Variants in GPC5 observed in about 807,000 individuals in gnomAD.
GPC5 encodes glypican 5.
A neutral mutation model predicts 53.9 loss-of-function variants in GPC5; 47 were observed. That is an observed-to-expected ratio of 0.87 (90% CI 0.69 to 1.11). GPC5 has a LOEUF of 1.11. Among genes scored for constraint, GPC5 ranks in the 50% most tolerant of loss-of-function variants. The pLI, the probability that GPC5 is intolerant of heterozygous loss-of-function variation, is 0.00. For synonymous variants in GPC5, 286 were observed against 263.3 expected (o/e 1.09, Z -0.84); for missense variants, 748 against 713.1 (o/e 1.05, Z -0.56).
At chr13:92,622,105 A>G (rs745358516) in intron 7 of GPC5, among the ~76,000 whole-genome samples, 15 of 152,146 alleles carry the variant, frequency 9.9e-5, no homozygotes, top group Non-Finnish European at 2.2e-4. Context: ...CACAGCTTCC[A>G]GCCCTCTGGC....
At chr13:92,772,923 C>A (rs1372454966) in intron 7 of GPC5, among the ~76,000 whole-genome samples, 1 of 151,858 alleles carries the variant, frequency 6.6e-6, no homozygotes, top group Admixed American at 6.6e-5. Context: ...TTATTTTTCC[C>A]TAAGTAAGCA....
rs537676604 is a variant in GPC5, at chr13:91,661,836, G to A, written c.326-31351G>A. Among the ~76,000 whole-genome samples the A allele has an allele frequency of 2.0e-3, 298 of 152,306 alleles. 2 individuals are homozygous for A. Among genetic ancestry groups the A allele is most frequent in the Non-Finnish European group, 2.9e-3 (197 of 68,022 alleles). On this transcript the variant is annotated intron_variant, in intron 2 of 7. Coordinates refer to ENST00000377067, the MANE Select transcript of GPC5 (RefSeq NM_004466.6). Reference sequence around the variant, plus strand: ...TAGGAGAGGAAGTGAGAGAAGCAACGAGGGGTCAGATCATTCAGGGCCCTG... The same window carrying A: ...TAGGAGAGGAAGTGAGAGAAGCAACAAGGGGTCAGATCATTCAGGGCCCTG...
chr13:92,784,636 T>C (rs1431353778), intron 7 of GPC5, among the ~76,000 whole-genome samples: 1 of 152,156 alleles, frequency 6.6e-6, no homozygotes, highest in Non-Finnish European at 1.5e-5. Context: ...ATTTAGCAAA[T>C]GTCAGGTCAT....
intron 7 of GPC5, among the ~76,000 whole-genome samples, chr13:92,609,322 T>C (rs1488526471): frequency 2.0e-5 from 3 of 152,126 alleles, no homozygotes; most frequent in Admixed American, 1.3e-4. Flanking sequence ...GGGGAATACA[T>C]AGGTGATGAC....
intron 7 of GPC5, among the ~76,000 whole-genome samples, chr13:92,168,806 A>G (rs1177443981): frequency 6.6e-6 from 1 of 152,178 alleles, no homozygotes; most frequent in Non-Finnish European, 1.5e-5. Context: ...CAGAAATACC[A>G]TTTGGCCCAG....
In GPC5 at chr13:92,347,914, T is replaced by C. The variant is rs1174180250; in HGVS notation, c.1561+202925T>C. Among the ~76,000 whole-genome samples the C allele has an allele frequency of 7.8e-4, 2 of 2,556 alleles. 1 individual carries two copies. The highest frequency in any genetic ancestry group is 0.015 in the Admixed American group (2 of 132). The allele number at this position is 2,556 out of a possible 152,430, so 1.7% of individuals were successfully genotyped here. ...TATTATATATATAATATATATATAA[T>C]ATATATATATTATATATACATCTTA... is the stretch of plus-strand genomic sequence containing the variant. On this transcript the variant is annotated intron_variant, in intron 7 of 7. Coordinates refer to ENST00000377067, the MANE Select transcript of GPC5 (RefSeq NM_004466.6).
intron 7 of GPC5, among the ~76,000 whole-genome samples, chr13:92,269,550 C>T (rs1297053441): frequency 6.6e-6 from 1 of 152,106 alleles, no homozygotes; most frequent in Non-Finnish European, 1.5e-5. Context: ...GGACTACAGG[C>T]ATCTGCCACC....
intron 6 of GPC5, among the ~76,000 whole-genome samples, chr13:91,989,179 G>A (rs976174298): frequency 2.7e-4 from 41 of 152,036 alleles, no homozygotes; most frequent in Admixed American, 2.5e-3. Context: ...GTTCTTCCAG[G>A]CAGTTTTATA....
At chr13:91,473,110 G>C (rs1882729001) in intron 2 of GPC5, among the ~76,000 whole-genome samples, 1 of 152,112 alleles carries the variant, frequency 6.6e-6, no homozygotes, top group Non-Finnish European at 1.5e-5. Flanking sequence ...AGCATGTGAA[G>C]GAGGAACTGT....
intron 7 of GPC5, among the ~76,000 whole-genome samples, chr13:92,147,165 G>T (rs1295879834): frequency 1.3e-5 from 2 of 150,974 alleles, no homozygotes; most frequent in African/African-American, 4.9e-5. Context: ...TGAGGTGAAA[G>T]AAAATGAAAA....
intron 7 of GPC5, among the ~76,000 whole-genome samples, chr13:92,374,596 C>T (rs998225589): frequency 3.3e-5 from 5 of 150,708 alleles, no homozygotes; most frequent in Admixed American, 6.6e-5. Flanking sequence ...AGTAAACTAT[C>T]GCAAGAACAC....
At chr13:92,221,504 G>C (rs2042448129) in intron 7 of GPC5, among the ~76,000 whole-genome samples, 1 of 152,088 alleles carries the variant, frequency 6.6e-6, no homozygotes, top group African/African-American at 2.4e-5. Context: ...ATCAAGACAG[G>C]ATCCTATGTT....
intron 7 of GPC5, among the ~76,000 whole-genome samples, chr13:92,401,761 C>G (rs1305072034): frequency 1.3e-5 from 2 of 152,038 alleles, no homozygotes; most frequent in African/African-American, 2.4e-5. Context: ...AACTTTTTGG[C>G]TTTAATTACC....
At chr13:92,071,986 A>G (rs1260165754) in intron 6 of GPC5, among the ~76,000 whole-genome samples, 1 of 146,190 alleles carries the variant, frequency 6.8e-6, no homozygotes, top group African/African-American at 2.5e-5. Flanking sequence ...AAATATGTAT[A>G]TATTATTTAT....
chr13:92,765,092 CTT>C (rs1875342737), intron 7 of GPC5, among the ~76,000 whole-genome samples: 2 of 152,194 alleles, frequency 1.3e-5, no homozygotes, highest in South Asian at 4.1e-4. Flanking sequence ...TGAGAAATGA[CTT>C]TATGAGAATG....
intron 2 of GPC5, among the ~76,000 whole-genome samples, chr13:91,495,164 C>CTT (rs1884177769): frequency 6.6e-6 from 1 of 152,180 alleles, no homozygotes; most frequent in African/African-American, 2.4e-5. Context: ...CATACCCTAC[C>CTT]TTATATGACT....
chr13:92,212,886 A>G (rs572570181), intron 7 of GPC5, among the ~76,000 whole-genome samples: 5 of 152,326 alleles, frequency 3.3e-5, no homozygotes, highest in African/African-American at 1.2e-4. Context: ...GACCAATTAA[A>G]CATTGCATGT....
At chr13:91,822,375 C>T (rs565053897) in intron 5 of GPC5, among the ~76,000 whole-genome samples, 3 of 152,172 alleles carry the variant, frequency 2.0e-5, no homozygotes, top group Non-Finnish European at 2.9e-5. Context: ...TTGTCTGAAG[C>T]TATACATATA....
intron 6 of GPC5, among the ~76,000 whole-genome samples, chr13:92,023,228 T>A (rs1016560110): frequency 6.6e-6 from 1 of 151,920 alleles, no homozygotes. Flanking sequence ...ATCTGGTCAA[T>A]TTTTTTTATA....
Sources: allele counts gnomAD v4.1 joint callset (sites outside exome capture counted in the v4.1 genomes callset), GRCh38; gene constraint gnomAD v4.1.1; transcripts MANE v1.5; gene names NCBI Gene and HGNC (gene_info 2026-07-23, HGNC 2026-07-21).